Variants in GALNT13 observed in about 807,000 individuals in gnomAD.
The protein encoded by GALNT13 is polypeptide N-acetylgalactosaminyltransferase 13, also known as UDP-GalNAc:polypeptide N-acetylgalactosaminyltransferase 13.
GALNT13 carries 28 observed loss-of-function variants against 64.2 expected under a neutral mutation model. That is an observed-to-expected ratio of 0.44 (90% CI 0.32 to 0.60). GALNT13 has a LOEUF of 0.60. Among genes scored for constraint, GALNT13 ranks in the 20% least tolerant of loss-of-function variants. The probability of loss-of-function intolerance (pLI) is 0.05; values close to 1 mark genes in which losing one functional copy is unlikely to be tolerated. For synonymous variants in GALNT13, 214 were observed against 224.6 expected (o/e 0.95, Z 0.42); for missense variants, 577 against 669.8 (o/e 0.86, Z 1.53).
At chr2:153,157,057 G>A in the GALNT13 span, among the ~76,000 whole-genome samples, 33 of 152,256 alleles carry the variant, frequency 2.2e-4, no homozygotes, top group African/African-American at 7.9e-4. Context: ...TGAGAAAAAA[G>A]TGGAGACATA....
chr2:154,108,011 C>T (rs569043952), intron 3 of GALNT13, among the ~76,000 whole-genome samples: 108 of 152,070 alleles, frequency 7.1e-4, no homozygotes, highest in African/African-American at 2.4e-3. Flanking sequence ...TGTTGTTGTA[C>T]ACTTGGGTTG....
At chr2:153,809,097 T>C in the GALNT13 span, among the ~76,000 whole-genome samples, 4 of 152,198 alleles carry the variant, frequency 2.6e-5, no homozygotes, top group African/African-American at 9.6e-5. Context: ...ATATTTTCTC[T>C]CTCTCAATCA....
At chr2:154,014,721 C>T (rs1407115684) in intron 3 of GALNT13, among the ~76,000 whole-genome samples, 1 of 144,252 alleles carries the variant, frequency 6.9e-6, no homozygotes, top group East Asian at 2.0e-4. Flanking sequence ...CAAGCTCCGC[C>T]TCCTGGGTTC....
At position 154,320,997 on chromosome 2, in the gene GALNT13, C is replaced by T. The variant is rs546831396; in HGVS notation, c.1156+19408C>T. ...ATTTATTGGCCTCATTCTGGAAAATCCTCAAATATAGGTGGGAAAGGCAAT... is the reference window on the plus strand; with the variant it reads ...ATTTATTGGCCTCATTCTGGAAAATTCTCAAATATAGGTGGGAAAGGCAAT... On this transcript the variant is annotated intron_variant, in intron 9 of 12. Transcript: ENST00000392825. Among the ~76,000 whole-genome samples the T allele has an allele frequency of 7.2e-5, 11 of 152,024 alleles. No homozygotes were observed. In the South Asian group the frequency reaches 2.3e-3, roughly 32 times the overall value.
chr2:154,163,368 A>G (rs922129296), intron 4 of GALNT13, among the ~76,000 whole-genome samples: 4 of 152,126 alleles, frequency 2.6e-5, no homozygotes, highest in Non-Finnish European at 4.4e-5. Context: ...AAAGAAGAAA[A>G]GAGAGAAGAA....
the GALNT13 span, among the ~76,000 whole-genome samples, chr2:153,623,486 T>C: frequency 3.0e-3 from 456 of 152,204 alleles, 1 homozygote; most frequent in African/African-American, 0.011. Flanking sequence ...AAGTGGAAAG[T>C]AGTTTGCTTT....
chr2:154,235,901 TGCATA>T (rs1689168166), intron 4 of GALNT13: 1 of 236,980 alleles, frequency 4.2e-6, no homozygotes, highest in Admixed American at 5.1e-5. Context: ...CTGTAATGTG[TGCATA>T]GCCTAGGGAA....
At chr2:154,027,174 T>C (rs1202422635) in intron 3 of GALNT13, among the ~76,000 whole-genome samples, 1 of 152,214 alleles carries the variant, frequency 6.6e-6, no homozygotes, top group Admixed American at 6.5e-5. Flanking sequence ...CCCAATCTTT[T>C]GCTCTTGACA....
the GALNT13 span, among the ~76,000 whole-genome samples, chr2:153,715,093 T>A: frequency 6.6e-6 from 1 of 152,204 alleles, no homozygotes; most frequent in African/African-American, 2.4e-5. Flanking sequence ...AACTATCAGC[T>A]TGCAAAGAAT....
At chr2:153,217,233 C>A in the GALNT13 span, among the ~76,000 whole-genome samples, 2 of 151,850 alleles carry the variant, frequency 1.3e-5, no homozygotes, top group Non-Finnish European at 2.9e-5. Context: ...GACATTGTTT[C>A]CTCTCCAACA....
the GALNT13 span, among the ~76,000 whole-genome samples, chr2:153,820,370 A>G: frequency 6.6e-6 from 1 of 152,196 alleles, no homozygotes; most frequent in Non-Finnish European, 1.5e-5. Context: ...ATCAAGATAC[A>G]AGAAATCTAG....
intron 3 of GALNT13, among the ~76,000 whole-genome samples, chr2:154,093,123 A>G (rs1354225771): frequency 6.6e-6 from 1 of 152,030 alleles, no homozygotes; most frequent in Non-Finnish European, 1.5e-5. Flanking sequence ...TAGAATCTCA[A>G]TTGTAGGAGA....
chr2:153,595,088 A>T, the GALNT13 span, among the ~76,000 whole-genome samples: 5 of 152,108 alleles, frequency 3.3e-5, no homozygotes, highest in Admixed American at 6.6e-5. Flanking sequence ...AAATGTTAAT[A>T]TATTGTGGCA....
At chr2:154,081,717 A>G (rs899557436) in intron 3 of GALNT13, among the ~76,000 whole-genome samples, 23 of 151,766 alleles carry the variant, frequency 1.5e-4, no homozygotes, top group African/African-American at 5.6e-4. Flanking sequence ...CAAGAGATCC[A>G]AATGTAGTTT....
At chr2:153,744,228 T>C in the GALNT13 span, among the ~76,000 whole-genome samples, 4 of 152,132 alleles carry the variant, frequency 2.6e-5, no homozygotes, top group Non-Finnish European at 5.9e-5. Flanking sequence ...GTAACTCAAT[T>C]TTTAGTTTTT....
In GALNT13 at chr2:153,963,731, C is replaced by CTCTGTGTG. The variant is rs1223478876; in HGVS notation, c.142+19093_142+19094insCTGTGTGT. Among the ~76,000 whole-genome samples the CTCTGTGTG allele has an allele frequency of 7.9e-5, 8 of 100,852 alleles. No homozygotes were observed. The East Asian group carries it at 2.4e-3, about 30-fold the overall frequency. 66.2% of individuals were successfully genotyped at this position (100,852 alleles called of 152,430 possible). ...TCTCCGTCTCTCTCTCTCTCTCTCT[C>CTCTGTGTG]TGTGTGTGTGTGTGTGTGTGTGTGT... On this transcript the variant is annotated intron_variant, in intron 3 of 12. Coordinates refer to ENST00000392825, the MANE Select transcript of GALNT13 (RefSeq NM_052917.4).
the GALNT13 span, among the ~76,000 whole-genome samples, chr2:153,086,046 C>T: frequency 2.0e-5 from 3 of 152,148 alleles, no homozygotes; most frequent in African/African-American, 7.2e-5. Context: ...TTTAATGACT[C>T]CCCTATTGGA....
intron 3 of GALNT13, among the ~76,000 whole-genome samples, chr2:154,029,896 CAT>C (rs1334060106): frequency 6.6e-6 from 1 of 152,094 alleles, no homozygotes; most frequent in Non-Finnish European, 1.5e-5. Context: ...AACTGAAAAA[CAT>C]AGCAACAAAA....
intron 3 of GALNT13, among the ~76,000 whole-genome samples, chr2:154,075,577 C>T (rs1352616950): frequency 4.6e-5 from 7 of 151,630 alleles, no homozygotes; most frequent in East Asian, 3.9e-4. Context: ...ATTTTGTTAT[C>T]GTAAATGATG....
Sources: allele counts gnomAD v4.1 joint callset (sites outside exome capture counted in the v4.1 genomes callset), GRCh38; gene constraint gnomAD v4.1.1; transcripts MANE v1.5; gene names NCBI Gene and HGNC (gene_info 2026-07-23, HGNC 2026-07-21).